GABPB1: variants seen among roughly 807,000 people sequenced by gnomAD.
GABPB1 encodes GA binding protein transcription factor subunit beta 1, also known as GA-binding protein subunit beta-1.
Under a neutral mutation model 45.9 loss-of-function variants are expected in GABPB1, and 15 were observed. The observed-to-expected ratio is 0.33, with a 90% CI of 0.22 to 0.50. The LOEUF (loss-of-function observed/expected upper bound fraction) is 0.50, where lower values mean the gene tolerates loss of function less well. GABPB1 is among the 20% of genes least tolerant of loss of function. The probability of loss-of-function intolerance (pLI) is 0.98; values close to 1 mark genes in which losing one functional copy is unlikely to be tolerated. For synonymous variants in GABPB1, 143 were observed against 154.4 expected (o/e 0.93, Z 0.55); for missense variants, 252 against 457.5 (o/e 0.55, Z 4.10).
intron 1 of GABPB1, chr15:50,351,579 C>CA (rs2048826097): frequency 7.0e-6 from 1 of 142,266 alleles, no homozygotes; most frequent in Admixed American, 7.8e-5. Context: ...AAGACCCTGT[C>CA]AAAGAAAGAA....
intron 6 of GABPB1, among the ~76,000 whole-genome samples, chr15:50,294,380 G>A (rs1054996788): frequency 2.0e-5 from 3 of 152,062 alleles, no homozygotes; most frequent in Admixed American, 6.6e-5. Context: ...TGGGCGTGGT[G>A]GCACGTGCCT....
chr15:50,314,187 A>ATTTT (rs202016529), intron 1 of GABPB1, among the ~76,000 whole-genome samples: 1 of 139,862 alleles, frequency 7.1e-6, no homozygotes. Flanking sequence ...TTATTTATTT[A>ATTTT]TTTATTTATT....
chr15:50,336,087 ACGCCTGTAATC>A (rs2048113828), intron 1 of GABPB1, among the ~76,000 whole-genome samples: 1 of 151,782 alleles, frequency 6.6e-6, no homozygotes, highest in African/African-American at 2.4e-5. Flanking sequence ...ATGGTGGCTC[ACGCCTGTAATC>A]CCAGCACTTT....
At chr15:50,342,018 T>A (rs2048391957) in intron 1 of GABPB1, among the ~76,000 whole-genome samples, 6 of 152,240 alleles carry the variant, frequency 3.9e-5, no homozygotes, top group Admixed American at 2.6e-4. Context: ...AATACAGGGT[T>A]ATTTACAATA....
intron 1 of GABPB1, among the ~76,000 whole-genome samples, chr15:50,329,711 T>C (rs563375861): frequency 3.3e-4 from 50 of 152,176 alleles, no homozygotes; most frequent in Admixed American, 2.4e-3. Context: ...ATTTACATAA[T>C]TCAAAAGTCA....
intron 1 of GABPB1, among the ~76,000 whole-genome samples, chr15:50,316,640 T>C (rs1370711745): frequency 2.0e-5 from 3 of 152,154 alleles, no homozygotes; most frequent in African/African-American, 7.2e-5. Context: ...TCATACTCTT[T>C]GACCTAGTAA....
rs1022175746 is a variant in GABPB1 at position 50,276,602 on chromosome 15, G to A, written c.*2030C>T. On this transcript the variant is annotated 3_prime_UTR_variant, in exon 9 of 9. Coordinates refer to ENST00000380877, the MANE Select transcript of GABPB1 (RefSeq NM_016654.5). The stretch of plus-strand genomic sequence containing the variant: ...CTTGCACCAGGTAAAGTCTCCAGCA[G>A]GAGAGGAGACTGGAAGTCAAAGACG... The A allele has an allele frequency of 3.9e-5, 6 of 152,248 alleles. No homozygotes were observed. The highest frequency in any genetic ancestry group is 1.4e-4 in the African/African-American group (6 of 41,466). 9.4% of individuals were successfully genotyped at this position (152,248 alleles called of 1,614,324 possible). A position where few individuals can be genotyped will look rare whatever the true frequency, so the allele number is the denominator to read the frequency against.
chr15:50,324,549 T>C (rs1157313711), intron 1 of GABPB1, among the ~76,000 whole-genome samples: 1 of 147,286 alleles, frequency 6.8e-6, no homozygotes, highest in East Asian at 2.0e-4. Flanking sequence ...GCTTTTTTTT[T>C]TTTTTTTTTT....
At chr15:50,349,891 ACCTG>A (rs2048757278) in intron 1 of GABPB1, 1 of 152,202 alleles carries the variant, frequency 6.6e-6, no homozygotes, top group Non-Finnish European at 1.5e-5. Context: ...GAAAACAATC[ACCTG>A]TAAAACTACA....
At chr15:50,320,256 CTCCCTGGT>C (rs2047512493) in intron 1 of GABPB1, among the ~76,000 whole-genome samples, 2 of 152,224 alleles carry the variant, frequency 1.3e-5, no homozygotes, top group Non-Finnish European at 2.9e-5. Flanking sequence ...CAACCTCCGC[CTCCCTGGT>C]TCAAGCAATT....
intron 1 of GABPB1, chr15:50,349,201 A>G (rs2048725687): frequency 6.6e-6 from 1 of 152,136 alleles, no homozygotes; most frequent in Non-Finnish European, 1.5e-5. Context: ...CAGAAACAGT[A>G]ACACTTTTGA....
At chr15:50,328,114 A>G (rs1430419692) in intron 1 of GABPB1, among the ~76,000 whole-genome samples, 1 of 152,096 alleles carries the variant, frequency 6.6e-6, no homozygotes, top group African/African-American at 2.4e-5. Context: ...TAGAAAATAT[A>G]CATGCATATA....
chr15:50,279,862 A>G (rs369999426), intron 8 of GABPB1, among the ~76,000 whole-genome samples: 2 of 152,334 alleles, frequency 1.3e-5, no homozygotes, highest in South Asian at 4.1e-4. Flanking sequence ...TTGGCCGACC[A>G]CTGGGGAGGC....
At chr15:50,303,211 G>T in intron 3 of GABPB1, 88 bp from the exon 4 acceptor site, 1 of 1,025,498 alleles carries the variant, frequency 9.8e-7, no homozygotes, top group Non-Finnish European at 1.4e-6. Flanking sequence ...GTGCTTTAAA[G>T]CAAGAACAAA....
chr15:50,304,335 A>G (rs954618821), intron 2 of GABPB1, among the ~76,000 whole-genome samples: 4 of 152,222 alleles, frequency 2.6e-5, no homozygotes, highest in Non-Finnish European at 4.4e-5. Flanking sequence ...AAGAAAATCC[A>G]GTATTTCCTT....
At position 50,300,910 on chromosome 15, in the gene GABPB1, A is replaced by T; in HGVS notation, c.584-8T>A. ...CAGATACACCCGTTTCATCTGTAAG[A>T]AAAAAGAAAATAGATTTGAATTTCT... On this transcript the variant is annotated splice_region_variant and splice_polypyrimidine_tract_variant and intron_variant, in intron 5 of 8. Coordinates refer to ENST00000380877, the MANE Select transcript of GABPB1 (RefSeq NM_016654.5). 1 of 1,495,738 alleles carries T rather than the reference A, an allele frequency of 6.7e-7. No individual in the cohort carries two copies. 92.7% of individuals were successfully genotyped at this position (1,495,738 alleles called of 1,614,324 possible). A position where few individuals can be genotyped will look rare whatever the true frequency, so the allele number is the denominator to read the frequency against.
At chr15:50,301,505 G>T in intron 4 of GABPB1, 137 bp from the exon 5 acceptor site, 1 of 798,268 alleles carries the variant, frequency 1.3e-6, no homozygotes. Context: ...ATTTGTCTAA[G>T]GTCCACTGAC....
At chr15:50,329,774 A>T (rs765912085) in intron 1 of GABPB1, among the ~76,000 whole-genome samples, 3 of 152,210 alleles carry the variant, frequency 2.0e-5, no homozygotes, top group Non-Finnish European at 2.9e-5. Flanking sequence ...TCCCTACTTC[A>T]TGTATTTCCC....
chr15:50,350,812 G>A (rs1297937037), intron 1 of GABPB1: 1 of 152,122 alleles, frequency 6.6e-6, no homozygotes, highest in Non-Finnish European at 1.5e-5. Context: ...ATTGAAATCT[G>A]CTTCTTTTAA....
Sources: allele counts gnomAD v4.1 joint callset (sites outside exome capture counted in the v4.1 genomes callset), GRCh38; gene constraint gnomAD v4.1.1; transcripts MANE v1.5; gene names NCBI Gene and HGNC (gene_info 2026-07-23, HGNC 2026-07-21).